The following PDE1C variants were observed in gnomAD, a reference collection of about 807,000 sequenced individuals.
The protein encoded by PDE1C is phosphodiesterase 1C, also known as dual specificity calcium/calmodulin-dependent 3',5'-cyclic nucleotide phosphodiesterase 1C.
In PDE1C, 62 loss-of-function variants were observed where a neutral mutation model predicts 93.1. The ratio of observed to expected loss-of-function variants is 0.67; its 90% CI spans 0.54 to 0.82. PDE1C has a LOEUF of 0.82. Ranked by LOEUF, PDE1C falls within the 40% of genes least tolerant of loss-of-function variation. PDE1C has a pLI of 0.00. For missense variants in PDE1C, 742 were observed against 884.6 expected, an observed-to-expected ratio of 0.84 and a Z score of 2.04; for synonymous variants, 325 against 310.1, an observed-to-expected ratio of 1.05 and a Z score of -0.50.
intron 1 of PDE1C, among the ~76,000 whole-genome samples, chr7:32,395,418 G>A (rs762211095): frequency 6.6e-6 from 1 of 152,130 alleles, no homozygotes. Context: ...ATCAGCAGAG[G>A]CACAAAGGCA....
intron 2 of PDE1C, among the ~76,000 whole-genome samples, chr7:31,980,164 T>G (rs1385739050): frequency 6.6e-6 from 1 of 152,220 alleles, no homozygotes; most frequent in Non-Finnish European, 1.5e-5. Context: ...AATCTAGCAT[T>G]CTGCTAGTAC....
the PDE1C span, among the ~76,000 whole-genome samples, chr7:31,686,541 T>C: frequency 7.2e-5 from 11 of 152,212 alleles, no homozygotes; most frequent in African/African-American, 2.7e-4. Context: ...TGAGAGGTAT[T>C]GCAAAGTGGT....
intron 4 of PDE1C, among the ~76,000 whole-genome samples, chr7:31,878,254 A>G (rs563670325): frequency 8.5e-5 from 13 of 152,168 alleles, no homozygotes; most frequent in Non-Finnish European, 1.5e-4. Context: ...ACCATGGGGG[A>G]AAAAAAACCT....
intron 7 of PDE1C, among the ~76,000 whole-genome samples, chr7:31,860,498 G>C (rs566760276): frequency 1.3e-5 from 2 of 152,048 alleles, no homozygotes; most frequent in African/African-American, 2.4e-5. Context: ...ACTAATGAAT[G>C]GTGCATCTTT....
intron 6 of PDE1C, among the ~76,000 whole-genome samples, chr7:31,865,612 A>G (rs184251389): frequency 6.6e-6 from 1 of 152,336 alleles, no homozygotes; most frequent in East Asian, 1.9e-4. Flanking sequence ...GTATCAGTAG[A>G]ATGAAATCTT....
chr7:32,347,818 G>C (rs1401682239), intron 1 of PDE1C, among the ~76,000 whole-genome samples: 1 of 152,238 alleles, frequency 6.6e-6, no homozygotes, highest in African/African-American at 2.4e-5. Context: ...TTCTTCTCCA[G>C]ATAAGAATGC....
At chr7:31,619,606 C>T in the PDE1C span, among the ~76,000 whole-genome samples, 3 of 151,870 alleles carry the variant, frequency 2.0e-5, no homozygotes, top group African/African-American at 7.3e-5. Context: ...GTTCTTTTAA[C>T]AGTTAAAGAA....
chr7:31,879,394 G>C (rs1796982525), intron 3 of PDE1C: 1 of 517,776 alleles, frequency 1.9e-6, no homozygotes, highest in Non-Finnish European at 3.5e-6. Flanking sequence ...ATTTCAGGAT[G>C]GTTCTCTCTA....
chr7:31,652,636 C>G, the PDE1C span: 1 of 1,613,786 alleles, frequency 6.2e-7, no homozygotes, highest in Non-Finnish European at 8.5e-7. Flanking sequence ...GGCATGGCCC[C>G]GAGGACTGTG....
At chr7:32,083,732 T>C (rs1796868708) in intron 3 of PDE1C, among the ~76,000 whole-genome samples, 1 of 152,002 alleles carries the variant, frequency 6.6e-6, no homozygotes, top group South Asian at 2.1e-4. Flanking sequence ...CAACCCAGAA[T>C]TTCATATCCA....
At chr7:32,025,311 C>A (rs147402662) in intron 2 of PDE1C, among the ~76,000 whole-genome samples, 1 of 152,172 alleles carries the variant, frequency 6.6e-6, no homozygotes, top group South Asian at 2.1e-4. Context: ...AGGTCAGACA[C>A]AAGTAACAGC....
intron 16 of PDE1C, among the ~76,000 whole-genome samples, chr7:31,800,025 A>T (rs1363713179): frequency 1.3e-5 from 2 of 151,648 alleles, no homozygotes; most frequent in Non-Finnish European, 3.0e-5. Flanking sequence ...TCACATCCTT[A>T]ATGATGTCAA....
the PDE1C span, among the ~76,000 whole-genome samples, chr7:31,703,047 A>G: frequency 6.6e-6 from 1 of 152,216 alleles, no homozygotes; most frequent in South Asian, 2.1e-4. Context: ...CAATTAACAT[A>G]AACTGTAAAA....
chr7:31,635,362 A>C, the PDE1C span, among the ~76,000 whole-genome samples: 1 of 152,190 alleles, frequency 6.6e-6, no homozygotes, highest in Non-Finnish European at 1.5e-5. Context: ...AATCTCTCAA[A>C]ACGATTGACA....
At chr7:31,698,178 T>A in the PDE1C span, among the ~76,000 whole-genome samples, 1 of 152,192 alleles carries the variant, frequency 6.6e-6, no homozygotes, top group East Asian at 1.9e-4. Flanking sequence ...GTTATAAAAC[T>A]ATATTTCCCC....
chr7:32,299,467 C>A, upstream of PDE1C: 1 of 964,090 alleles, frequency 1.0e-6, no homozygotes, highest in Non-Finnish European at 1.2e-6. Context: ...GTGAAATGTA[C>A]AATCGAATTA....
chr7:31,700,854 C>T, the PDE1C span, among the ~76,000 whole-genome samples: 1 of 152,126 alleles, frequency 6.6e-6, no homozygotes, highest in South Asian at 2.1e-4. Flanking sequence ...TACATGTTTA[C>T]AGCATAATTT....
intron 2 of PDE1C, among the ~76,000 whole-genome samples, chr7:32,033,983 T>C (rs988806196): frequency 6.6e-6 from 1 of 152,074 alleles, no homozygotes. Context: ...TACTGGGTTA[T>C]AGCCAACAAT....
At chr7:31,824,027 G>A (rs1469643181) in intron 13 of PDE1C, among the ~76,000 whole-genome samples, 1 of 151,994 alleles carries the variant, frequency 6.6e-6, no homozygotes, top group Admixed American at 6.6e-5. Context: ...AAACTTAAGA[G>A]GGTCTATCCA....
Sources: gnomAD v4.1 joint callset for allele counts (sites outside exome capture counted in the v4.1 genomes callset) on GRCh38, gnomAD v4.1.1 for gene constraint, MANE v1.5 for transcripts, NCBI Gene and HGNC (gene_info 2026-07-23, HGNC 2026-07-21) for gene names.